The following DOCK7 variants were observed in gnomAD, a reference collection of about 807,000 sequenced individuals.
DOCK7 encodes dedicator of cytokinesis 7, also known as dedicator of cytokinesis protein 7.
In DOCK7, 138 loss-of-function variants were observed where a neutral mutation model predicts 271.0. The ratio of observed to expected loss-of-function variants is 0.51; its 90% CI spans 0.44 to 0.59. The LOEUF is 0.59. DOCK7 is among the 20% of genes least tolerant of loss of function. The pLI, the probability that DOCK7 is intolerant of heterozygous loss-of-function variation, is 0.00. For missense variants in DOCK7, 2,066 were observed against 2,592.4 expected (o/e 0.80, Z 4.41); for synonymous variants, 823 against 876.1 (o/e 0.94, Z 1.07).
At chr1:62,506,274 T>A (rs1382892863) in intron 35 of DOCK7, among the ~76,000 whole-genome samples, 1 of 151,992 alleles carries the variant, frequency 6.6e-6, no homozygotes. Context: ...CAGAGAGAGG[T>A]GAACAAAAGA....
chr1:62,568,601 T>A (rs1571577953), intron 18 of DOCK7, among the ~76,000 whole-genome samples: 1 of 116,412 alleles, frequency 8.6e-6, no homozygotes, highest in Non-Finnish European at 1.7e-5. Context: ...CACTGTGCCC[T>A]GCCTAAAAAA....
At chr1:62,471,226 G>A (rs1571208355) in intron 48 of DOCK7, among the ~76,000 whole-genome samples, 1 of 150,020 alleles carries the variant, frequency 6.7e-6, no homozygotes, top group Non-Finnish European at 1.5e-5. Context: ...CAGGCTATTA[G>A]TTAAGTTTCT....
chr1:62,519,863 G>T (rs1227012996), intron 31 of DOCK7, among the ~76,000 whole-genome samples: 2 of 152,084 alleles, frequency 1.3e-5, no homozygotes, highest in Non-Finnish European at 2.9e-5. Flanking sequence ...ATACTACAAG[G>T]CTACAGTAAC....
intron 48 of DOCK7, chr1:62,458,995 T>C (rs2149223200): frequency 6.6e-6 from 1 of 152,294 alleles, no homozygotes; most frequent in Non-Finnish European, 1.5e-5. Flanking sequence ...AGAAAACACA[T>C]AGCATCAAAT....
chr1:62,606,585 TTAATAA>T (rs920269573), intron 14 of DOCK7, among the ~76,000 whole-genome samples: 2 of 152,154 alleles, frequency 1.3e-5, no homozygotes, highest in African/African-American at 4.8e-5. Context: ...TCTCTACTAC[TTAATAA>T]TAAGAATATC....
At chr1:62,623,462 C>T (rs935647935) in intron 12 of DOCK7, among the ~76,000 whole-genome samples, 1 of 152,112 alleles carries the variant, frequency 6.6e-6, no homozygotes, top group African/African-American at 2.4e-5. Context: ...AAAACAGTGT[C>T]CAGAACATGG....
At position 62,455,378 on chromosome 1, in the gene DOCK7, G is replaced by A. The variant is rs750610768; in HGVS notation, c.*36C>T. ...TTTTCACACTCGATGTTGAATACATGGCTCTTTGCAGATGAATAAAACAAG... is the reference window on the plus strand; with the variant it reads ...TTTTCACACTCGATGTTGAATACATAGCTCTTTGCAGATGAATAAAACAAG... On this transcript the variant is annotated 3_prime_UTR_variant, in exon 50 of 50. Transcript: ENST00000635253. 3.1e-5 allele frequency: 49 copies of A among 1,605,888 alleles called. No individual in the cohort carries two copies. The highest frequency in any genetic ancestry group is 1.6e-5 in the Non-Finnish European group (19 of 1,173,274).
At chr1:62,681,070 A>G (rs1036691886) in intron 1 of DOCK7, among the ~76,000 whole-genome samples, 2 of 152,104 alleles carry the variant, frequency 1.3e-5, no homozygotes, top group African/African-American at 4.8e-5. Context: ...ATTCTGCTAT[A>G]AAGACACATG....
chr1:62,458,655 C>G (rs1222956448), intron 48 of DOCK7: 1 of 152,284 alleles, frequency 6.6e-6, no homozygotes, highest in Non-Finnish European at 1.5e-5. Context: ...ACCTCAACCT[C>G]CTGGGTAGCT....
intron 30 of DOCK7, 81 bp downstream of exon 30, chr1:62,529,196 G>C: frequency 7.6e-7 from 1 of 1,315,738 alleles, no homozygotes; most frequent in Non-Finnish European, 1.0e-6. Flanking sequence ...CCTAAAATAA[G>C]ATCTTCATCC....
In DOCK7 at chr1:62,604,128, C is replaced by T. The variant is rs753754473; in HGVS notation, c.1682+14578G>A. On this transcript the variant is annotated intron_variant, in intron 14 of 49. Coordinates refer to ENST00000635253, the MANE Select transcript of DOCK7 (RefSeq NM_001367561.1). The stretch of plus-strand genomic sequence containing the variant: ...ACCAACTATACGCTACATCTAGTTG[C>T]GATTACTGGCAATGTCCCCAATGCA... 45 of 1,613,002 alleles carry T rather than the reference C, an allele frequency of 2.8e-5. No individual in the cohort carries two copies. Among genetic ancestry groups the T allele is most frequent in the Non-Finnish European group, 3.7e-5 (44 of 1,179,438 alleles).
At chr1:62,619,661 G>A (rs114886987) in intron 13 of DOCK7, among the ~76,000 whole-genome samples, 3 of 152,090 alleles carry the variant, frequency 2.0e-5, no homozygotes, top group Non-Finnish European at 2.9e-5. Context: ...CTGAAACTAC[G>A]GAAAGAGAAA....
intron 1 of DOCK7, among the ~76,000 whole-genome samples, chr1:62,683,428 G>A (rs976038010): frequency 6.6e-5 from 10 of 152,156 alleles, no homozygotes; most frequent in Admixed American, 2.6e-4. Context: ...TAAATAAGTC[G>A]ATATCCAGGA....
At chr1:62,530,872 A>G (rs1300220703) in intron 29 of DOCK7, 1 of 152,632 alleles carries the variant, frequency 6.6e-6, no homozygotes, top group Non-Finnish European at 1.5e-5. Flanking sequence ...AAGGTCAAAT[A>G]AGACACCTCC....
At chr1:62,631,897 A>T (rs1456393004) in intron 10 of DOCK7, among the ~76,000 whole-genome samples, 6 of 152,216 alleles carry the variant, frequency 3.9e-5, no homozygotes, top group African/African-American at 1.4e-4. Context: ...AGTTGTAACA[A>T]AAGAAGGAAA....
intron 14 of DOCK7, among the ~76,000 whole-genome samples, chr1:62,606,483 T>C (rs529304610): frequency 5.3e-5 from 8 of 152,228 alleles, no homozygotes; most frequent in African/African-American, 1.9e-4. Flanking sequence ...TCCTAACTAC[T>C]TTGCTTAAAG....
chr1:62,508,621 G>A (rs775027574), intron 34 of DOCK7, among the ~76,000 whole-genome samples: 1 of 152,066 alleles, frequency 6.6e-6, no homozygotes, highest in African/African-American at 2.4e-5. Flanking sequence ...GTGAGGTGAC[G>A]AATATGCTAG....
At chr1:62,457,423 T>A (rs1645378338) in intron 49 of DOCK7, 115 bp downstream of exon 49, 1 of 1,067,416 alleles carries the variant, frequency 9.4e-7, no homozygotes, top group Non-Finnish European at 1.4e-6. Flanking sequence ...CCCAAACACT[T>A]CTGGTCCTAA....
intron 31 of DOCK7, among the ~76,000 whole-genome samples, chr1:62,515,087 C>T (rs1189324642): frequency 1.3e-5 from 2 of 150,584 alleles, no homozygotes; most frequent in South Asian, 2.1e-4. Context: ...GTTATTTATC[C>T]TTCACAATCA....
Sources: allele counts gnomAD v4.1 joint callset (sites outside exome capture counted in the v4.1 genomes callset), GRCh38; gene constraint gnomAD v4.1.1; transcripts MANE v1.5; gene names NCBI Gene and HGNC (gene_info 2026-07-23, HGNC 2026-07-21).